SMARCD1: variants seen among roughly 807,000 people sequenced by gnomAD.
SMARCD1 encodes SWI/SNF related BAF chromatin remodeling complex subunit D1.
SMARCD1 carries 16 observed loss-of-function variants against 70.8 expected under a neutral mutation model. The observed-to-expected ratio is 0.23, with a 90% confidence interval of 0.15 to 0.34. The LOEUF (loss-of-function observed/expected upper bound fraction) is 0.34. SMARCD1 is among the 10% of genes least tolerant of loss of function. SMARCD1 has a pLI of 1.00. For synonymous variants in SMARCD1, 249 were observed against 246.0 expected (o/e 1.01, Z -0.11); for missense variants, 409 against 655.5 (o/e 0.62, Z 4.11).
chr12:50,090,108 G>A, intron 7 of SMARCD1, 123 bp downstream of exon 7: 1 of 1,274,062 alleles, frequency 7.8e-7, no homozygotes, highest in Non-Finnish European at 1.1e-6. Context: ...TAGAGTCTTA[G>A]TCATCTCTGA....
At chr12:50,094,406 C>T in intron 9 of SMARCD1, 31 bp from the exon 10 acceptor site, 3 of 1,608,724 alleles carry the variant, frequency 1.9e-6, no homozygotes, top group South Asian at 1.1e-5. Flanking sequence ...GGGACAAGCT[C>T]TTTACCAGGC....
At chr12:50,091,886 A>C (rs1950846986) in intron 9 of SMARCD1, among the ~76,000 whole-genome samples, 1 of 152,000 alleles carries the variant, frequency 6.6e-6, no homozygotes, top group Non-Finnish European at 1.5e-5. Flanking sequence ...CTGAAATCAG[A>C]ATATTTAAAG....
chr12:50,099,133 A>G lies in SMARCD1; in HGVS notation c.*133A>G, dbSNP rs1950917948. On this transcript the variant is annotated 3_prime_UTR_variant, in exon 13 of 13. Coordinates refer to ENST00000394963, the MANE Select transcript of SMARCD1 (RefSeq NM_003076.5). ...CTGTTGGTTCAAGGACAACACCAGA[A>G]TGAAGAGGGTCTCACAAGACACCTG... 2 of 759,988 alleles carry G rather than the reference A, an allele frequency of 2.6e-6. No homozygotes were observed. Among genetic ancestry groups the G allele is most frequent in the South Asian group, 3.0e-5 (2 of 66,800 alleles). 47.1% of individuals were successfully genotyped at this position (759,988 alleles called of 1,614,324 possible).
At chr12:50,091,026 A>G (rs2137886368) in intron 9 of SMARCD1, among the ~76,000 whole-genome samples, 1 of 151,820 alleles carries the variant, frequency 6.6e-6, no homozygotes, top group East Asian at 1.9e-4. Context: ...GGGTTTCACC[A>G]TGTTAGCCAG....
At chr12:50,086,593 A>G (rs2137872758) in intron 2 of SMARCD1, 28 bp from the exon 3 acceptor site, 3 of 1,611,582 alleles carry the variant, frequency 1.9e-6, no homozygotes, top group African/African-American at 2.7e-5. Context: ...TTCTGTCCCA[A>G]CCTGATAATA....
At position 50,085,484 on chromosome 12, in the gene SMARCD1, C is replaced by A; in HGVS notation, c.115C>A (p.Arg39=). Residue 39 remains arginine (R), a synonymous_variant, in exon 1 of 13, where the codon CGA becomes AGA. Transcript: ENST00000394963. ...GGGCGGAACTCCGGGGCCTCCTGTG[C>A]GAATGGGCCCGGCTCCGGGTCAAGG... The part of the protein sequence containing the change: ...GPGGTPGPPV[R]MGPAPGQGLY... 1.6e-6 allele frequency: 2 copies of A among 1,239,178 alleles called. No homozygotes were observed. The highest frequency in any genetic ancestry group is 6.3e-5 in the East Asian group (2 of 31,982). 76.8% of individuals were successfully genotyped at this position (1,239,178 alleles called of 1,614,324 possible). A position where few individuals can be genotyped will look rare whatever the true frequency, so the allele number is the denominator to read the frequency against.
Position 50,090,536 on chromosome 12 carries a change from G to C in SMARCD1, c.1079G>C (p.Arg360Pro). 6.2e-7 allele frequency: 1 copy of C among 1,614,028 alleles called. No homozygotes were observed. The highest frequency in any genetic ancestry group is 8.5e-7 in the Non-Finnish European group (1 of 1,179,998). Residue 360 changes from arginine to proline, a missense_variant, in exon 9 of 13, where the codon CGG becomes CCG. This residue lies in a region of SMARCD1 where 269 missense variants were observed against 498.6 expected (regional missense o/e 0.54). Coordinates refer to ENST00000394963, the MANE Select transcript of SMARCD1 (RefSeq NM_003076.5). The part of the protein sequence containing the change: ...QRMKFSEIPQ[R>P]LHALLMPPEP... ...ATGAAGTTTTCAGAGATCCCTCAGC[G>C]GCTCCATGCCTTGCTTATGCCACCA... is the stretch of plus-strand genomic sequence containing the variant.
At chr12:50,089,526 A>T (rs565416390) in intron 6 of SMARCD1, 1 of 192,366 alleles carries the variant, frequency 5.2e-6, no homozygotes, top group Admixed American at 5.4e-5. Context: ...TATCTTGTAT[A>T]GATGTTCGGG....
At position 50,094,919 on chromosome 12, in the gene SMARCD1, T is replaced by C. The variant is rs1431158968; in HGVS notation, c.1269+347T>C. Among the ~76,000 whole-genome samples the C allele has an allele frequency of 2.0e-5, 3 of 152,162 alleles. No homozygotes were observed. The East Asian group carries it at 5.8e-4, about 29-fold the overall frequency. On this transcript the variant is annotated intron_variant, in intron 10 of 12. Coordinates refer to ENST00000394963, the MANE Select transcript of SMARCD1 (RefSeq NM_003076.5). ...TTCAAGCGATTCTCCTGCCTCAGCCTCCCAAGTAGCTGGGATTACAGTCAC... is the reference window on the plus strand; with the variant it reads ...TTCAAGCGATTCTCCTGCCTCAGCCCCCCAAGTAGCTGGGATTACAGTCAC...
Position 50,098,991 on chromosome 12 carries a change from G to T in SMARCD1, c.1539G>T (p.Arg513=). The change falls in exon 13 of 13, where the codon CGG becomes CGT. Residue 513 remains arginine, a synonymous_variant. Transcript: ENST00000394963. ...RQELEQALGI[R]NT ...AATTAGAGCAAGCCCTGGGAATCCG[G>T]AATACATAGGGCCTCTCCCACAGCC... 1 of 1,614,028 alleles carries T rather than the reference G, an allele frequency of 6.2e-7. No homozygotes were observed. Among genetic ancestry groups the T allele is most frequent in the Non-Finnish European group, 8.5e-7 (1 of 1,179,958 alleles).
intron 9 of SMARCD1, among the ~76,000 whole-genome samples, chr12:50,090,820 G>GTTT (rs1565740015): frequency 4.5e-5 from 4 of 88,996 alleles, no homozygotes; most frequent in South Asian, 9.9e-4. Flanking sequence ...TTGTATTTGT[G>GTTT]CTTTTTTTTT....
In SMARCD1 at chr12:50,095,773, A is replaced by C. The variant is rs148035259; in HGVS notation, c.1270-1077A>C. Among the ~76,000 whole-genome samples, 54 of 152,360 alleles carry C rather than the reference A, an allele frequency of 3.5e-4. No individual in the cohort carries two copies. The East Asian group carries it at 0.01, about 29-fold the overall frequency. On this transcript the variant is annotated intron_variant, in intron 10 of 12. Transcript: ENST00000394963. The stretch of plus-strand genomic sequence containing the variant: ...GAAGAGAGAGAGAGCCTGGTGTCTT[A>C]AAGAAGTACGAGCCATTTAGTATGC...
chr12:50,086,259 C>T lies in SMARCD1; in HGVS notation c.276C>T (p.Ala92=). ...GGNPSVRPGL[A]QSGMDQSRKR... ...ACCCTTCAGTCCGACCTGGCCTGGC[C>T]CAGTCAGGGATGGATCAGTCCCGCA... The change falls in exon 2 of 13, where the codon GCC becomes GCT. Residue 92 remains alanine (A), a synonymous_variant. Transcript: ENST00000394963. 1.2e-6 allele frequency: 2 copies of T among 1,613,634 alleles called. No homozygotes were observed. Among genetic ancestry groups the T allele is most frequent in the South Asian group, 1.1e-5 (1 of 91,032 alleles).
Position 50,099,120 on chromosome 12 carries a change from G to A in SMARCD1, c.*120G>A. On this transcript the variant is annotated 3_prime_UTR_variant, in exon 13 of 13. Transcript: ENST00000394963. The stretch of plus-strand genomic sequence containing the variant: ...GTTCCAGGGGATGCTGTTGGTTCAA[G>A]GACAACACCAGAATGAAGAGGGTCT... 1 of 849,988 alleles carries A rather than the reference G, an allele frequency of 1.2e-6. No individual in the cohort carries two copies. The highest frequency in any genetic ancestry group is 2.0e-6 in the Non-Finnish European group (1 of 506,620). The allele number at this position is 849,988 out of a possible 1,614,324, so 52.7% of individuals were successfully genotyped here.
Position 50,099,453 on chromosome 12 carries a change from TAACAG to T in SMARCD1, c.*456_*460del. ...AGCTAGTTGATCTTGGCTCTCCTGA[TAACAG>T]AATCCAATTTCCTTCCTTCCCTCCA... On this transcript the variant is annotated 3_prime_UTR_variant, in exon 13 of 13. Coordinates refer to ENST00000394963, the MANE Select transcript of SMARCD1 (RefSeq NM_003076.5). 1 of 407,452 alleles carries T rather than the reference TAACAG, an allele frequency of 2.5e-6. No individual in the cohort carries two copies. The highest frequency in any genetic ancestry group is 6.3e-4 in the Middle Eastern group (1 of 1,594). 25.2% of individuals were successfully genotyped at this position (407,452 alleles called of 1,614,324 possible).
intron 10 of SMARCD1, 67 bp from the exon 11 acceptor site, chr12:50,096,783 A>G (rs1465956060): frequency 6.6e-7 from 1 of 1,506,204 alleles, no homozygotes; most frequent in Non-Finnish European, 9.1e-7. Context: ...GTTGTCAGGC[A>G]CCACCTGCCA....
intron 7 of SMARCD1, 101 bp downstream of exon 7, chr12:50,090,086 T>G: frequency 7.6e-7 from 1 of 1,321,884 alleles, no homozygotes; most frequent in Non-Finnish European, 1.1e-6. Flanking sequence ...ATTTGCCACT[T>G]TGGCACAGAG....
intron 9 of SMARCD1, among the ~76,000 whole-genome samples, chr12:50,091,056 C>T (rs1950839000): frequency 2.0e-5 from 3 of 151,762 alleles, no homozygotes; most frequent in Admixed American, 1.3e-4. Context: ...AATCTGACCT[C>T]GTGATCTGCC....
chr12:50,093,258 C>T (rs1272051337), intron 9 of SMARCD1, among the ~76,000 whole-genome samples: 5 of 145,574 alleles, frequency 3.4e-5, no homozygotes, highest in African/African-American at 5.1e-5. Context: ...GCATGATCTT[C>T]GCTCTCTGCA....
Sources: allele counts gnomAD v4.1 joint callset (sites outside exome capture counted in the v4.1 genomes callset), GRCh38; gene constraint gnomAD v4.1.1; regional missense constraint gnomAD v4.1.1; transcripts MANE v1.5; gene names NCBI Gene and HGNC (gene_info 2026-07-23, HGNC 2026-07-21).